Variants in P4HA3 observed in about 807,000 individuals in gnomAD.
The protein encoded by P4HA3 is prolyl 4-hydroxylase subunit alpha-3.
P4HA3 carries 60 observed loss-of-function variants against 66.7 expected under a neutral mutation model. That is an observed-to-expected ratio of 0.90 (90% CI 0.73 to 1.12). The LOEUF (loss-of-function observed/expected upper bound fraction) is 1.12. Among genes scored for constraint, P4HA3 ranks in the 50% most tolerant of loss-of-function variants. The pLI is 0.00. For missense variants in P4HA3, 683 were observed against 685.8 expected (o/e 1.00, Z 0.05); for synonymous variants, 263 against 274.6 (o/e 0.96, Z 0.42).
intron 7 of P4HA3, among the ~76,000 whole-genome samples, chr11:74,283,240 A>T (rs10488771): frequency 0.051 from 7,733 of 152,166 alleles, 507 homozygotes; most frequent in African/African-American, 0.15. Context: ...GGCCATGAAC[A>T]TTTAAATCAA....
chr11:74,295,633 A>T (rs1272374407), intron 4 of P4HA3, among the ~76,000 whole-genome samples: 1 of 152,184 alleles, frequency 6.6e-6, no homozygotes, highest in African/African-American at 2.4e-5. Context: ...TACACTTCAC[A>T]TCCTGATTGT....
intron 3 of P4HA3, among the ~76,000 whole-genome samples, chr11:74,299,831 A>G (rs550603238): frequency 6.6e-6 from 1 of 152,258 alleles, no homozygotes; most frequent in Non-Finnish European, 1.5e-5. Flanking sequence ...TAATGCCCAT[A>G]TGAGGATAGA....
intron 15 of P4HA3, chr11:74,256,004 A>G (rs1859822885): frequency 2.0e-6 from 1 of 489,956 alleles, no homozygotes; most frequent in Non-Finnish European, 4.1e-6. Context: ...AGGGGCACTC[A>G]GGTTCATCAG....
chr11:74,304,300 G>A lies in P4HA3; in HGVS notation c.313C>T (p.His105Tyr). Residue 105 changes from histidine (H) to tyrosine (Y), a missense_variant, in exon 2 of 13, where the codon CAT (histidine) becomes TAT (tyrosine). His to Tyr is a moderately conservative substitution (Grantham distance 83, BLOSUM62 2). Coordinates refer to ENST00000331597, the MANE Select transcript of P4HA3 (RefSeq NM_182904.5). ...RLQSDWRNVV[H>Y]SLEASENIRA... ...ATGTTCTCACTGGCCTCCAGACTAT[G>A]TACCACATTCCTCCAGTCAGACTGC... The A allele has an allele frequency of 6.2e-7, 1 of 1,613,994 alleles. No homozygotes were observed. Among genetic ancestry groups the A allele is most frequent in the East Asian group, 2.2e-5 (1 of 44,872 alleles).
At chr11:74,259,560 T>A (rs577428223) in intron 15 of P4HA3, among the ~76,000 whole-genome samples, 2 of 152,302 alleles carry the variant, frequency 1.3e-5, no homozygotes, top group Non-Finnish European at 2.9e-5. Context: ...AACTTTTTCA[T>A]CATCCCCAGC....
intron 12 of P4HA3, 98 bp from the exon 13 acceptor site, chr11:74,267,416 C>G: frequency 7.0e-7 from 1 of 1,429,018 alleles, no homozygotes; most frequent in South Asian, 1.4e-5. Context: ...TGTGAGTGCC[C>G]CCTTAAATTC....
intron 5 of P4HA3, among the ~76,000 whole-genome samples, chr11:74,286,888 G>A (rs568707661): frequency 6.6e-6 from 1 of 152,330 alleles, no homozygotes; most frequent in Non-Finnish European, 1.5e-5. Flanking sequence ...TGCAATGAAA[G>A]AGAAGTCCAG....
chr11:74,277,205 C>A (rs1263450391), intron 8 of P4HA3, 61 bp from the exon 9 acceptor site: 2 of 1,532,272 alleles, frequency 1.3e-6, no homozygotes, highest in Non-Finnish European at 1.8e-6. Flanking sequence ...TAAATGACGT[C>A]TCTGAATGAA....
At chr11:74,292,350 T>C (rs1277370623) in intron 4 of P4HA3, among the ~76,000 whole-genome samples, 4 of 152,052 alleles carry the variant, frequency 2.6e-5, no homozygotes, top group Non-Finnish European at 5.9e-5. Flanking sequence ...TTCTTTATTA[T>C]TCTTGCTAGC....
intron 15 of P4HA3, chr11:74,250,717 G>A (rs1325041690): frequency 2.0e-6 from 1 of 490,362 alleles, no homozygotes; most frequent in Non-Finnish European, 3.7e-6. Flanking sequence ...ATGTGTCTCT[G>A]GCCCACAGTA....
chr11:74,285,322 T>C (rs1369254061), intron 7 of P4HA3: 1 of 152,380 alleles, frequency 6.6e-6, no homozygotes, highest in Non-Finnish European at 1.5e-5. Context: ...AATAATGAAG[T>C]TTAGCTTTCT....
chr11:74,309,447 T>C (rs1193623773), intron 1 of P4HA3, among the ~76,000 whole-genome samples: 2 of 152,202 alleles, frequency 1.3e-5, no homozygotes, highest in African/African-American at 2.4e-5. Context: ...CTTCTGAGAA[T>C]GTAACCTGAA....
Position 74,304,288 on chromosome 11 carries a change from C to G in P4HA3, c.325G>C (p.Ala109Pro). The G allele has an allele frequency of 6.2e-7, 1 of 1,613,944 alleles. No individual in the cohort carries two copies. Among genetic ancestry groups the G allele is most frequent in the Non-Finnish European group, 8.5e-7 (1 of 1,179,918 alleles). Residue 109 changes from alanine (A) to proline (P), a missense_variant, in exon 2 of 13, where the codon GCC becomes CCC. Transcript: ENST00000331597. ...TCATTACCTCGGATGTTCTCACTGG[C>G]CTCCAGACTATGTACCACATTCCTC... ...DWRNVVHSLE[A>P]SENIRALKDG... is the part of the protein sequence containing the mutation.
Position 74,295,061 on chromosome 11 carries a change from C to T in P4HA3, c.717+3151G>A, listed in dbSNP as rs541607543. ...CTGTTCCTATTCGGCCATCTTGGCT[C>T]CTCCCCCCGTGCCCTCAAATCTTAA... On this transcript the variant is annotated intron_variant, in intron 4 of 12. Transcript: ENST00000331597. 1.2e-4 allele frequency among the ~76,000 whole-genome samples: 18 copies of T among 152,274 alleles called. 1 individual carries two copies. The South Asian group carries it at 3.3e-3, about 28-fold the overall frequency.
intron 5 of P4HA3, chr11:74,287,342 G>C (rs1174654665): frequency 2.3e-6 from 3 of 1,282,642 alleles, no homozygotes; most frequent in Admixed American, 4.6e-5. Context: ...GTTTTAACAA[G>C]AGAAGAAGTG....
intron 14 of P4HA3, among the ~76,000 whole-genome samples, chr11:74,260,379 A>G (rs1242945032): frequency 6.6e-6 from 1 of 152,204 alleles, no homozygotes; most frequent in African/African-American, 2.4e-5. Flanking sequence ...GCCCGCTGAC[A>G]ATTCCTGTTC....
rs376483776 is a variant in P4HA3 at position 74,289,069 on chromosome 11, C to A, written c.769+10G>T. 2.6e-6 allele frequency: 4 copies of A among 1,537,928 alleles called. No homozygotes were observed. Among genetic ancestry groups the A allele is most frequent in the Non-Finnish European group, 3.5e-6 (4 of 1,143,370 alleles). ...ACCTGTGGCTGGCTTATCTTTTATC[C>A]ATTACGTACTGTAGAGAAGAAACTC... On this transcript the variant is annotated intron_variant, in intron 5 of 12. Transcript: ENST00000331597.
intron 9 of P4HA3, 65 bp from the exon 10 acceptor site, chr11:74,273,672 C>G: frequency 7.7e-7 from 1 of 1,305,532 alleles, no homozygotes. Flanking sequence ...AGGCAGGATT[C>G]CACTATTAAT....
rs1393478687 is a variant in P4HA3, at chr11:74,267,042, C to A, written c.*206G>T. On this transcript the variant is annotated 3_prime_UTR_variant, in exon 13 of 13. Coordinates refer to ENST00000331597, the MANE Select transcript of P4HA3 (RefSeq NM_182904.5). ...CTTTGTACTGTGCATCCTACTCTGA[C>A]TTCCGTGGCTGGGGCAGATCAAATG... 1 of 1,535,284 alleles carries A rather than the reference C, an allele frequency of 6.5e-7. No homozygotes were observed. The highest frequency in any genetic ancestry group is 8.7e-7 in the Non-Finnish European group (1 of 1,146,098).
Sources: gnomAD v4.1 joint callset for allele counts (sites outside exome capture counted in the v4.1 genomes callset) on GRCh38, gnomAD v4.1.1 for gene constraint, MANE v1.5 for transcripts, NCBI Gene and HGNC (gene_info 2026-07-23, HGNC 2026-07-21) for gene names.